Variants in TPO observed in about 807,000 individuals in gnomAD.
TPO encodes the protein thyroid peroxidase.
A neutral mutation model predicts 96.9 loss-of-function variants in TPO; 78 were observed. The observed-to-expected ratio is 0.81, with a 90% CI of 0.67 to 0.97. TPO has a LOEUF of 0.97. Among genes scored for constraint, TPO ranks in the 50% least tolerant of loss-of-function variants. The pLI, the probability that TPO is intolerant of heterozygous loss-of-function variation, is 0.00. For synonymous variants in TPO, 547 were observed against 538.0 expected (o/e 1.02, Z -0.23); for missense variants, 1,252 against 1,274.8 (o/e 0.98, Z 0.27).
intron 1 of TPO, among the ~76,000 whole-genome samples, chr2:1,381,416 T>G (rs1661810037): frequency 6.6e-6 from 1 of 152,156 alleles, no homozygotes; most frequent in Non-Finnish European, 1.5e-5. Context: ...AGCCATAGAC[T>G]TTTAAACAAT....
intron 16 of TPO, chr2:1,541,696 T>C (rs1680788885): frequency 6.6e-6 from 1 of 152,368 alleles, no homozygotes; most frequent in East Asian, 1.9e-4. Flanking sequence ...TGAGGTGATA[T>C]GTTAATTAAT....
At chr2:1,383,407 T>C (rs1484110033) in intron 1 of TPO, among the ~76,000 whole-genome samples, 2 of 152,234 alleles carry the variant, frequency 1.3e-5, no homozygotes, top group Non-Finnish European at 2.9e-5. Context: ...GAGCATTTAA[T>C]GATCGCCATT....
intron 15 of TPO, among the ~76,000 whole-genome samples, chr2:1,530,600 C>T (rs1427701054): frequency 1.9e-5 from 2 of 103,238 alleles, no homozygotes; most frequent in African/African-American, 4.1e-5. Flanking sequence ...TCCCCAAATC[C>T]CCCACACTCT....
rs1297248760 is a variant in TPO at position 1,493,998 on chromosome 2, T to G, written c.1965T>G (p.Cys655Trp). 6.2e-7 allele frequency: 1 copy of G among 1,614,074 alleles called. No individual in the cohort carries two copies. The highest frequency in any genetic ancestry group is 2.2e-5 in the East Asian group (1 of 44,862). ...PRARTGPLFA[C>W]LIGKQMKALR... is the part of the protein sequence containing the mutation. ...CTCGGACAGGGCCCCTGTTTGCCTG[T>G]CTCATTGGGAAGCAGATGAAGGCTC... Residue 655 changes from cysteine to tryptophan, a missense_variant, in exon 11 of 17, where the codon TGT becomes TGG. By Grantham distance (215) the Cys-to-Trp change is radical. Transcript: ENST00000329066.
At chr2:1,521,267 C>A (rs913455928) in intron 15 of TPO, among the ~76,000 whole-genome samples, 1 of 152,206 alleles carries the variant, frequency 6.6e-6, no homozygotes, top group Non-Finnish European at 1.5e-5. Flanking sequence ...ACCCTTTGTT[C>A]CCTCCTGCAC....
rs905868260 is a variant in TPO at position 1,543,660 on chromosome 2, A to G, written c.*1186A>G. 3 of 150,728 alleles carry G rather than the reference A, an allele frequency of 2.0e-5. No individual in the cohort carries two copies. Among genetic ancestry groups the G allele is most frequent in the Non-Finnish European group, 3.0e-5 (2 of 66,988 alleles). 9.3% of individuals were successfully genotyped at this position (150,728 alleles called of 1,614,324 possible). A position where few individuals can be genotyped will look rare whatever the true frequency, so the allele number is the denominator to read the frequency against. ...AACTCATGATTTCATAATTAAAACAATATTAAAATAAAACTCATGAATGAT... is the reference window on the plus strand; with the variant it reads ...AACTCATGATTTCATAATTAAAACAGTATTAAAATAAAACTCATGAATGAT... On this transcript the variant is annotated 3_prime_UTR_variant, in exon 17 of 17. Coordinates refer to ENST00000329066, the MANE Select transcript of TPO (RefSeq NM_001206744.2).
At chr2:1,460,109 T>A (rs1207119761) in intron 7 of TPO, among the ~76,000 whole-genome samples, 1 of 152,114 alleles carries the variant, frequency 6.6e-6, no homozygotes, top group African/African-American at 2.4e-5. Flanking sequence ...CTAATTTTTC[T>A]ATTTTTAATA....
At chr2:1,384,715 C>T (rs1055722178) in intron 1 of TPO, among the ~76,000 whole-genome samples, 1 of 152,124 alleles carries the variant, frequency 6.6e-6, no homozygotes, top group Non-Finnish European at 1.5e-5. Context: ...CTTTCTCCTG[C>T]CTGATTTCCC....
chr2:1,490,125 CACACA>C (rs1185620191), intron 10 of TPO, among the ~76,000 whole-genome samples: 1 of 52,712 alleles, frequency 1.9e-5, no homozygotes, highest in African/African-American at 1.1e-4. Context: ...ACGAGGGTCC[CACACA>C]GGGGGAGTCA....
intron 15 of TPO, among the ~76,000 whole-genome samples, chr2:1,537,943 C>T (rs1200408745): frequency 7.9e-6 from 1 of 126,664 alleles, no homozygotes. Flanking sequence ...TGCAACCTCC[C>T]GAAATCCCCC....
chr2:1,423,195 A>G (rs1453629835), intron 3 of TPO, 66 bp downstream of exon 3: 1 of 1,500,414 alleles, frequency 6.7e-7, no homozygotes, highest in Non-Finnish European at 9.2e-7. Context: ...TGACATCCAC[A>G]CACGTGTGGC....
At chr2:1,537,595 T>C (rs56257986) in intron 15 of TPO, among the ~76,000 whole-genome samples, 50 of 34,188 alleles carry the variant, frequency 1.5e-3, no homozygotes, top group South Asian at 3.3e-3. Flanking sequence ...AATCCCCCCA[T>C]TGTGTGCAAA....
chr2:1,530,873 T>G (rs1380036773), intron 15 of TPO, among the ~76,000 whole-genome samples: 4 of 57,788 alleles, frequency 6.9e-5, no homozygotes, highest in South Asian at 6.2e-4. Context: ...GTGTGCAACC[T>G]CCGCAAATCC....
Position 1,516,871 on chromosome 2 carries a change from T to C in TPO, c.2519-12T>C. On this transcript the variant is annotated splice_polypyrimidine_tract_variant and intron_variant, in intron 14 of 16. Coordinates refer to ENST00000329066, the MANE Select transcript of TPO (RefSeq NM_001206744.2). ...GAAGGTTCTTCTAACCAGGCCTCTTTCTGTGCCCCAGACTCCGGGAGGCTC... is the reference window on the plus strand; with the variant it reads ...GAAGGTTCTTCTAACCAGGCCTCTTCCTGTGCCCCAGACTCCGGGAGGCTC... 6.2e-7 allele frequency: 1 copy of C among 1,613,688 alleles called. No individual in the cohort carries two copies. Among genetic ancestry groups the C allele is most frequent in the South Asian group, 1.1e-5 (1 of 91,068 alleles).
intron 3 of TPO, among the ~76,000 whole-genome samples, chr2:1,424,679 A>T (rs1305034620): frequency 6.6e-6 from 1 of 152,098 alleles, no homozygotes; most frequent in Non-Finnish European, 1.5e-5. Context: ...TATACTATAC[A>T]CCTATTCCAA....
Position 1,496,150 on chromosome 2 carries a change from G to C in TPO, c.2168G>C (p.Ser723Thr). The change falls in exon 12 of 17, where the codon AGC becomes ACC. Residue 723 changes from serine to threonine, a missense_variant. Coordinates refer to ENST00000329066, the MANE Select transcript of TPO (RefSeq NM_001206744.2). ...KFPEDFESCD[S>T]ITGMNLEAWR... ...CCCGAAGACTTTGAGTCTTGTGACA[G>C]CATCACTGGCATGAACCTGGAGGCC... is the stretch of plus-strand genomic sequence containing the variant. The C allele has an allele frequency of 6.2e-7, 1 of 1,614,118 alleles. No homozygotes were observed. The highest frequency in any genetic ancestry group is 1.3e-5 in the African/African-American group (1 of 75,044).
intron 13 of TPO, among the ~76,000 whole-genome samples, chr2:1,500,243 G>A (rs577356811): frequency 8.5e-5 from 13 of 152,298 alleles, no homozygotes; most frequent in East Asian, 3.9e-4. Context: ...TGGAGACCTC[G>A]GCAGCCTGAG....
At chr2:1,449,353 C>T (rs1667121639) in intron 5 of TPO, among the ~76,000 whole-genome samples, 1 of 152,102 alleles carries the variant, frequency 6.6e-6, no homozygotes. Flanking sequence ...ATGTATTTGC[C>T]TTGAATTCAC....
intron 3 of TPO, among the ~76,000 whole-genome samples, chr2:1,428,629 A>AT (rs1664669619): frequency 6.6e-6 from 1 of 152,196 alleles, no homozygotes; most frequent in Non-Finnish European, 1.5e-5. Context: ...GAGACAGGTG[A>AT]GCCCTCGAGT....
Sources: gnomAD v4.1 joint callset for allele counts (sites outside exome capture counted in the v4.1 genomes callset) on GRCh38, gnomAD v4.1.1 for gene constraint, MANE v1.5 for transcripts, NCBI Gene and HGNC (gene_info 2026-07-23, HGNC 2026-07-21) for gene names.